Variants in TMX3 observed in about 807,000 individuals in gnomAD.
The protein encoded by TMX3 is protein disulfide-isomerase TMX3.
In TMX3, 40 loss-of-function variants were observed where a neutral mutation model predicts 64.4. The ratio of observed to expected loss-of-function variants is 0.62; its 90% CI spans 0.48 to 0.81. TMX3 has a LOEUF of 0.81. Among genes scored for constraint, TMX3 ranks in the 30% least tolerant of loss-of-function variants. The pLI, the probability that TMX3 is intolerant of heterozygous loss-of-function variation, is 0.00. For missense variants in TMX3, 497 were observed against 534.5 expected (o/e 0.93, Z 0.69); for synonymous variants, 189 against 175.7 (o/e 1.08, Z -0.60).
At chr18:68,697,375 TGA>T (rs1333188524) in intron 7 of TMX3, 72 bp from the exon 8 acceptor site, 3 of 797,162 alleles carry the variant, frequency 3.8e-6, no homozygotes, top group Admixed American at 2.7e-5. Flanking sequence ...CATTAAACAA[TGA>T]GAGTTACCTT....
chr18:68,695,474 T>C (rs1914971041), intron 8 of TMX3, among the ~76,000 whole-genome samples: 1 of 152,208 alleles, frequency 6.6e-6, no homozygotes, highest in South Asian at 2.1e-4. Context: ...TAATATGACA[T>C]GCTGAATCAA....
chr18:68,697,306 A>G lies in TMX3; in HGVS notation c.493-3T>C, dbSNP rs1325536341. The G allele has an allele frequency of 2.6e-6, 4 of 1,513,698 alleles. No individual in the cohort carries two copies. Among genetic ancestry groups the G allele is most frequent in the Non-Finnish European group, 2.7e-6 (3 of 1,119,476 alleles). 93.8% of individuals were successfully genotyped at this position (1,513,698 alleles called of 1,614,324 possible). On this transcript the variant is annotated splice_region_variant and splice_polypyrimidine_tract_variant and intron_variant, in intron 7 of 15. Transcript: ENST00000299608. ...GAAGCAGCATCTATGTATTTCTCCT[A>G]TGAAGATACAAACAGAAAAAAGATC...
chr18:68,707,802 T>C (rs955580086), intron 4 of TMX3, among the ~76,000 whole-genome samples: 40 of 152,282 alleles, frequency 2.6e-4, no homozygotes, highest in African/African-American at 9.4e-4. Context: ...CTTTAATCTC[T>C]AGAGATTAGC....
At position 68,715,065 on chromosome 18, in the gene TMX3, G is replaced by A. The variant is rs1178910079; in HGVS notation, c.-84C>T. ...TCCGCCGCCTGCCCGCCCGGAAAGG[G>A]AAACGGAGCCGACCCGGAGCGGAAG... On this transcript the variant is annotated 5_prime_UTR_variant, in exon 1 of 16. Transcript: ENST00000299608. 1 of 1,546,236 alleles carries A rather than the reference G, an allele frequency of 6.5e-7. No homozygotes were observed. The highest frequency in any genetic ancestry group is 8.7e-7 in the Non-Finnish European group (1 of 1,144,448).
Position 68,714,932 on chromosome 18 carries a change from T to C in TMX3, c.46+4A>G. 1.3e-6 allele frequency: 2 copies of C among 1,562,550 alleles called. No individual in the cohort carries two copies. Among genetic ancestry groups the C allele is most frequent in the South Asian group, 2.4e-5 (2 of 84,844 alleles). ...CAGCGTCCCGACCGCTGAGCCCCCA[T>C]TACCTGTGGCGCAGAGCCGCAGGGC... On this transcript the variant is annotated splice_donor_region_variant and intron_variant, in intron 1 of 15. Transcript: ENST00000299608.
At chr18:68,678,310 C>T (rs1352128691) in intron 15 of TMX3, among the ~76,000 whole-genome samples, 1 of 152,056 alleles carries the variant, frequency 6.6e-6, no homozygotes, top group African/African-American at 2.4e-5. Context: ...CATGTAAGAG[C>T]TCGAGAAGGA....
intron 13 of TMX3, chr18:68,681,634 A>G: frequency 1.0e-6 from 1 of 985,396 alleles, no homozygotes; most frequent in East Asian, 1.1e-4. Flanking sequence ...AGATTTGTTA[A>G]GTTCACTCCC....
intron 10 of TMX3, among the ~76,000 whole-genome samples, chr18:68,685,650 T>C (rs980690575): frequency 7.9e-5 from 12 of 152,192 alleles, no homozygotes; most frequent in African/African-American, 2.4e-4. Context: ...TACCACACAC[T>C]GGGCTGGTTC....
At position 68,698,809 on chromosome 18, in the gene TMX3, G is replaced by A. The variant is rs181718912; in HGVS notation, c.393-778C>T. 4.5e-3 allele frequency among the ~76,000 whole-genome samples: 678 copies of A among 152,086 alleles called. 5 individuals are homozygous for A. Among genetic ancestry groups the A allele is most frequent in the Non-Finnish European group, 6.9e-3 (467 of 67,990 alleles). On this transcript the variant is annotated intron_variant, in intron 6 of 15. Transcript: ENST00000299608. ...AGGCGGGTGGATCATGAGGTCAGGA[G>A]GTCGAGACCATCCTGGCTAATACGG... is the stretch of plus-strand genomic sequence containing the variant.
Position 68,677,108 on chromosome 18 carries a change from TA to T in TMX3, c.1189del (p.Tyr397ThrfsTer10), listed in dbSNP as rs1568176841. ...GVISIMCYGI[Y>X]TADTDGGYIE... ...ATAACCTCCATCTGTGTCGGCTGTG[TA>T]GATTCCATAGCACATGATACTGATG... On this transcript the variant is annotated frameshift_variant, in exon 16 of 16. Transcript: ENST00000299608. LOFTEE classifies it low-confidence loss of function (END_TRUNC). 1 of 1,613,820 alleles carries T rather than the reference TA, an allele frequency of 6.2e-7. No homozygotes were observed. Among genetic ancestry groups the T allele is most frequent in the Non-Finnish European group, 8.5e-7 (1 of 1,179,790 alleles).
intron 10 of TMX3, among the ~76,000 whole-genome samples, chr18:68,685,741 A>G (rs1444343735): frequency 6.6e-6 from 1 of 152,240 alleles, no homozygotes; most frequent in Admixed American, 6.5e-5. Context: ...AGACATTTTC[A>G]TCAAATAAAT....
intron 1 of TMX3, among the ~76,000 whole-genome samples, chr18:68,714,635 C>T (rs368006868): frequency 1.2e-3 from 187 of 152,356 alleles, no homozygotes; most frequent in South Asian, 5.4e-3. Context: ...CCTTCTTGCC[C>T]ATCAAAGGAG....
Position 68,700,411 on chromosome 18 carries a change from ACT to A in TMX3, c.384_385del (p.Arg128SerfsTer16). The A allele has an allele frequency of 6.4e-7, 1 of 1,571,618 alleles. No individual in the cohort carries two copies. Among genetic ancestry groups the A allele is most frequent in the Non-Finnish European group, 8.6e-7 (1 of 1,160,066 alleles). ...GCCTTTCCTAATAACTTACCCAGATACTCTGTGAGCAAACTCAATAATATCAT... is the reference window on the plus strand; with the variant it reads ...GCCTTTCCTAATAACTTACCCAGATACTGTGAGCAAACTCAATAATATCAT... On this transcript the variant is annotated frameshift_variant, in exon 6 of 16. Transcript: ENST00000299608. LOFTEE classifies it high-confidence loss of function.
At position 68,686,596 on chromosome 18, in the gene TMX3, A is replaced by T. The variant is rs540457047; in HGVS notation, c.736+1071T>A. The T allele has an allele frequency of 3.9e-4, 123 of 311,612 alleles. 1 individual carries two copies. The East Asian group carries it at 4.4e-3, about 11-fold the overall frequency. The allele number at this position is 311,612 out of a possible 1,614,324, so 19.3% of individuals were successfully genotyped here. A position where few individuals can be genotyped will look rare whatever the true frequency, so the allele number is the denominator to read the frequency against. Reference sequence around the variant, plus strand: ...TGGTGGCGCATGCTGATTCCCAGCTACTTGGGAGGCTGAGGCAGGAGAACT... The same window carrying T: ...TGGTGGCGCATGCTGATTCCCAGCTTCTTGGGAGGCTGAGGCAGGAGAACT... On this transcript the variant is annotated intron_variant, in intron 10 of 15. Coordinates refer to ENST00000299608, the MANE Select transcript of TMX3 (RefSeq NM_019022.5).
intron 6 of TMX3, 113 bp downstream of exon 6, chr18:68,700,288 CAAAT>C (rs2029907363): frequency 1.6e-6 from 1 of 630,828 alleles, no homozygotes; most frequent in East Asian, 3.3e-5. Flanking sequence ...AGTAAATAAT[CAAAT>C]AAATTTTACC....
At chr18:68,678,374 AG>A (rs899095549) in intron 15 of TMX3, among the ~76,000 whole-genome samples, 1 of 152,170 alleles carries the variant, frequency 6.6e-6, no homozygotes, top group African/African-American at 2.4e-5. Flanking sequence ...TCTGCTGTCA[AG>A]TTGATTGACA....
At chr18:68,696,358 G>T (rs891042556) in intron 8 of TMX3, among the ~76,000 whole-genome samples, 1 of 152,080 alleles carries the variant, frequency 6.6e-6, no homozygotes, top group Non-Finnish European at 1.5e-5. Context: ...ATTTTTAGTA[G>T]AGATGGAGTT....
intron 5 of TMX3, 174 bp downstream of exon 5, chr18:68,701,571 C>T (rs941515600): frequency 1.9e-5 from 28 of 1,445,532 alleles, no homozygotes; most frequent in Admixed American, 6.3e-5. Flanking sequence ...TGCTTAAATA[C>T]GAAGAAAAGC....
chr18:68,691,125 C>T, intron 9 of TMX3, 170 bp downstream of exon 9: 1 of 414,556 alleles, frequency 2.4e-6, no homozygotes, highest in Admixed American at 4.4e-5. Flanking sequence ...AAATAACTAA[C>T]AATTATAAGT....
Sources: allele counts gnomAD v4.1 joint callset (sites outside exome capture counted in the v4.1 genomes callset), GRCh38; gene constraint gnomAD v4.1.1; transcripts MANE v1.5; gene names NCBI Gene and HGNC (gene_info 2026-07-23, HGNC 2026-07-21).